The following SPATA31E1 variants were observed in gnomAD, a reference collection of about 807,000 sequenced individuals.
SPATA31E1 encodes spermatogenesis-associated protein 31E1.
SPATA31E1 carries 7 observed loss-of-function variants against 12.9 expected under a neutral mutation model. That is an observed-to-expected ratio of 0.54 (90% CI 0.31 to 1.02). The LOEUF (loss-of-function observed/expected upper bound fraction) is 1.02, where lower values mean the gene tolerates loss of function less well. Among genes scored for constraint, SPATA31E1 ranks in the 50% least tolerant of loss-of-function variants. SPATA31E1 has a pLI of 0.05. For missense variants in SPATA31E1, 1,961 were observed against 1,799.8 expected (o/e 1.09, Z -1.62); for synonymous variants, 771 against 719.0 (o/e 1.07, Z -1.16).
At chr9:87,884,779 G>A (rs1189864656) in intron 3 of SPATA31E1, 128 bp downstream of exon 3, 39 of 1,467,940 alleles carry the variant, frequency 2.7e-5, no homozygotes, top group Non-Finnish European at 3.5e-5. Context: ...GAAGCCCTGG[G>A]GCAGGCTTAG....
At position 87,884,020 on chromosome 9, in the gene SPATA31E1, G is replaced by A; in HGVS notation, c.338G>A (p.Arg113Lys). The A allele has an allele frequency of 6.2e-7, 1 of 1,607,230 alleles. No individual in the cohort carries two copies. The highest frequency in any genetic ancestry group is 8.5e-7 in the Non-Finnish European group (1 of 1,176,402). ...EPQRERSGRS[R>K]SRKISALKAC... ...CAAAGGGAGAGAAGCGGGAGGTCCAGGAGCAGGAAGATCTCAGCTCTGAAA... is the reference window on the plus strand; with the variant it reads ...CAAAGGGAGAGAAGCGGGAGGTCCAAGAGCAGGAAGATCTCAGCTCTGAAA... Residue 113 changes from arginine to lysine, a missense_variant, in exon 2 of 4, where the codon AGG becomes AAG. Physicochemically the swap from Arg to Lys is conservative, Grantham distance 26. Coordinates refer to ENST00000325643, the MANE Select transcript of SPATA31E1 (RefSeq NM_178828.5).
rs1434961681 is a variant in SPATA31E1 at position 87,885,833 on chromosome 9, A to G, written c.1346A>G (p.Glu449Gly). ...LFWDLPSLNSESLATTVWVSR... is the reference protein window; with the variant it reads ...LFWDLPSLNSGSLATTVWVSR... ...TGGGACCTCCCCTCTCTCAATAGCG[A>G]GTCCCTGGCGACCACAGTCTGGGTT... Residue 449 changes from glutamate to glycine, a missense_variant, in exon 4 of 4, where the codon GAG (glutamate) becomes GGG (glycine). By Grantham distance (98) the Glu-to-Gly change is moderately conservative. Coordinates refer to ENST00000325643, the MANE Select transcript of SPATA31E1 (RefSeq NM_178828.5). The G allele has an allele frequency of 6.2e-7, 1 of 1,613,906 alleles. No individual in the cohort carries two copies. Among genetic ancestry groups the G allele is most frequent in the Admixed American group, 1.7e-5 (1 of 60,032 alleles).
Position 87,886,580 on chromosome 9 carries a change from G to A in SPATA31E1, c.2093G>A (p.Ser698Asn), listed in dbSNP as rs535781757. 8 of 1,614,088 alleles carry A rather than the reference G, an allele frequency of 5.0e-6. No homozygotes were observed. In the South Asian group the frequency reaches 5.5e-5, roughly 11 times the overall value. The change falls in exon 4 of 4, where the codon AGC becomes AAC. Residue 698 changes from serine to asparagine, a missense_variant. Ser to Asn is a conservative substitution (Grantham distance 46, BLOSUM62 1). Transcript: ENST00000325643. ...GATGTGCAGAAGACCGGGTTCAGGA[G>A]CTCCGGAAGGTTCTCTGACAAGGGG... is the stretch of plus-strand genomic sequence containing the variant. Reference protein sequence around the residue: ...RKDVQKTGFRSSGRFSDKGCL... With the variant: ...RKDVQKTGFRNSGRFSDKGCL...
At position 87,886,075 on chromosome 9, in the gene SPATA31E1, C is replaced by A; in HGVS notation, c.1588C>A (p.Pro530Thr). 6.2e-7 allele frequency: 1 copy of A among 1,611,150 alleles called. No individual in the cohort carries two copies. The highest frequency in any genetic ancestry group is 8.5e-7 in the Non-Finnish European group (1 of 1,178,292). Residue 530 changes from proline to threonine, a missense_variant, in exon 4 of 4, where the codon CCT (proline) becomes ACT (threonine). By Grantham distance (38) the Pro-to-Thr change is conservative. Transcript: ENST00000325643. ...EIQTQAHLSPPVPSLGCSSPP... is the reference protein window; with the variant it reads ...EIQTQAHLSPTVPSLGCSSPP... ...CCAGACCCAGGCCCACCTCTCACCCCCTGTCCCAAGCCTGGGGTGCTCTTC... is the reference window on the plus strand; with the variant it reads ...CCAGACCCAGGCCCACCTCTCACCCACTGTCCCAAGCCTGGGGTGCTCTTC...
In SPATA31E1 at chr9:87,888,694, G is replaced by A. The variant is rs778430286; in HGVS notation, c.4207G>A (p.Ala1403Thr). 2 of 1,613,944 alleles carry A rather than the reference G, an allele frequency of 1.2e-6. No homozygotes were observed. Among genetic ancestry groups the A allele is most frequent in the Admixed American group, 3.3e-5 (2 of 60,026 alleles). Residue 1403 changes from alanine (A) to threonine (T), a missense_variant, in exon 4 of 4, where the codon GCC (alanine) becomes ACC (threonine). By Grantham distance (58) the Ala-to-Thr change is moderately conservative (BLOSUM62 0). Coordinates refer to ENST00000325643, the MANE Select transcript of SPATA31E1 (RefSeq NM_178828.5). ...RGIRDRDSSW[A>T]PPPREPVSPA... is the part of the protein sequence containing the mutation. Reference sequence around the variant, plus strand: ...CATCAGAGACAGAGACAGCAGTTGGGCCCCACCTCCCAGGGAGCCTGTGTC... The same window carrying A: ...CATCAGAGACAGAGACAGCAGTTGGACCCCACCTCCCAGGGAGCCTGTGTC...
chr9:87,886,756 G>A lies in SPATA31E1; in HGVS notation c.2269G>A (p.Asp757Asn). The change falls in exon 4 of 4, where the codon GAC becomes AAC. Residue 757 changes from aspartate to asparagine, a missense_variant. Asp to Asn is a conservative substitution (Grantham distance 23). Transcript: ENST00000325643. ...QSVSSTPRDPDKEHLENKLQI... is the reference protein window; with the variant it reads ...QSVSSTPRDPNKEHLENKLQI... The stretch of plus-strand genomic sequence containing the variant: ...AGTAAGTTCCACACCCAGGGACCCA[G>A]ACAAGGAGCATCTGGAAAACAAGCT... 6.2e-7 allele frequency: 1 copy of A among 1,614,058 alleles called. No homozygotes were observed. Among genetic ancestry groups the A allele is most frequent in the Non-Finnish European group, 8.5e-7 (1 of 1,180,046 alleles).
chr9:87,885,361 G>T lies in SPATA31E1; in HGVS notation c.874G>T (p.Val292Leu), dbSNP rs543433002. ...HNQVLPPPTR[V>L]ISGLGCSSDP... ...CCAGGTGCTGCCTCCTCCAACCAGG[G>T]TGATCTCTGGCCTGGGGTGCTCCAG... Residue 292 changes from valine (V) to leucine (L), a missense_variant, in exon 4 of 4, where the codon GTG (valine) becomes TTG (leucine). Physicochemically the swap from Val to Leu is conservative, Grantham distance 32. Coordinates refer to ENST00000325643, the MANE Select transcript of SPATA31E1 (RefSeq NM_178828.5). 74 of 1,613,986 alleles carry T rather than the reference G, an allele frequency of 4.6e-5. 1 individual carries two copies. The South Asian group carries it at 7.8e-4, about 17-fold the overall frequency.
Position 87,886,309 on chromosome 9 carries a change from A to G in SPATA31E1, c.1822A>G (p.Ser608Gly). ...HLPQERPASW[S>G]PKSAPILPGV... ...TCCCCAAGAGAGGCCGGCCTCCTGG[A>G]GCCCCAAGTCAGCCCCCATCCTTCC... Residue 608 changes from serine to glycine, a missense_variant, in exon 4 of 4, where the codon AGC becomes GGC. Ser to Gly is a moderately conservative substitution (Grantham distance 56). Transcript: ENST00000325643. The G allele has an allele frequency of 3.1e-6, 5 of 1,613,590 alleles. No homozygotes were observed. The highest frequency in any genetic ancestry group is 4.2e-6 in the Non-Finnish European group (5 of 1,179,984).
rs1021896700 is a variant in SPATA31E1 at position 87,887,390 on chromosome 9, G to A, written c.2903G>A (p.Gly968Asp). The change falls in exon 4 of 4, where the codon GGC becomes GAC. Residue 968 changes from glycine to aspartate, a missense_variant. By Grantham distance (94) the Gly-to-Asp change is moderately conservative. Transcript: ENST00000325643. ...CAGCCCCCAACATGCAGCCTTGTGGGCAGAACCTGGCAGAGCAGGACTGTC... is the reference window on the plus strand; with the variant it reads ...CAGCCCCCAACATGCAGCCTTGTGGACAGAACCTGGCAGAGCAGGACTGTC... ...CSQPPTCSLV[G>D]RTWQSRTVLE... is the part of the protein sequence containing the mutation. The A allele has an allele frequency of 2.5e-6, 4 of 1,613,702 alleles. No homozygotes were observed. In the African/African-American group the frequency reaches 5.3e-5, roughly 22 times the overall value.
chr9:87,888,427 G>C lies in SPATA31E1; in HGVS notation c.3940G>C (p.Asp1314His). ...AAGGCAGTTTATGGACTGCATGGCT[G>C]ACAAAGCCTGGACCATCAGCAGAGT... is the stretch of plus-strand genomic sequence containing the variant. ...PPRQFMDCMA[D>H]KAWTISRVVG... is the part of the protein sequence containing the mutation. The change falls in exon 4 of 4, where the codon GAC (aspartate) becomes CAC (histidine). Residue 1314 changes from aspartate to histidine, a missense_variant. Asp to His is a moderately conservative substitution (Grantham distance 81). Coordinates refer to ENST00000325643, the MANE Select transcript of SPATA31E1 (RefSeq NM_178828.5). 2 of 1,614,206 alleles carry C rather than the reference G, an allele frequency of 1.2e-6. No homozygotes were observed. Among genetic ancestry groups the C allele is most frequent in the Non-Finnish European group, 1.7e-6 (2 of 1,180,046 alleles).
At position 87,886,138 on chromosome 9, in the gene SPATA31E1, A is replaced by G. The variant is rs750491614; in HGVS notation, c.1651A>G (p.Thr551Ala). 2 of 1,602,340 alleles carry G rather than the reference A, an allele frequency of 1.2e-6. No homozygotes were observed. Among genetic ancestry groups the G allele is most frequent in the Non-Finnish European group, 1.7e-6 (2 of 1,173,056 alleles). Residue 551 changes from threonine (T) to alanine (A), a missense_variant, in exon 4 of 4, where the codon ACA (threonine) becomes GCA (alanine). Physicochemically the swap from Thr to Ala is moderately conservative, Grantham distance 58. Coordinates refer to ENST00000325643, the MANE Select transcript of SPATA31E1 (RefSeq NM_178828.5). ...QIRGCGASYPTSQERTQSVIP... is the reference protein window; with the variant it reads ...QIRGCGASYPASQERTQSVIP... ...TAGGGGCTGTGGGGCATCTTACCCTACATCCCAGGAGAGGACACAGTCTGT... is the reference window on the plus strand; with the variant it reads ...TAGGGGCTGTGGGGCATCTTACCCTGCATCCCAGGAGAGGACACAGTCTGT...
rs865797588 is a variant in SPATA31E1, at chr9:87,886,329, C to A, written c.1842C>A (p.Ile614=). 5 of 1,613,572 alleles carry A rather than the reference C, an allele frequency of 3.1e-6. No individual in the cohort carries two copies. In the African/African-American group the frequency reaches 6.7e-5, roughly 22 times the overall value. Residue 614 remains isoleucine (I), a synonymous_variant, in exon 4 of 4, where the codon ATC becomes ATA. Transcript: ENST00000325643. ...PASWSPKSAP[I]LPGVVTSPEL... Reference sequence around the variant, plus strand: ...CCTGGAGCCCCAAGTCAGCCCCCATCCTTCCCGGGGTTGTCACCAGCCCTG... The same window carrying A: ...CCTGGAGCCCCAAGTCAGCCCCCATACTTCCCGGGGTTGTCACCAGCCCTG...
At position 87,886,751 on chromosome 9, in the gene SPATA31E1, AC is replaced by A; in HGVS notation, c.2267del (p.Pro756GlnfsTer18). 6 of 1,613,988 alleles carry A rather than the reference AC, an allele frequency of 3.7e-6. No homozygotes were observed. Among genetic ancestry groups the A allele is most frequent in the Non-Finnish European group, 5.1e-6 (6 of 1,180,026 alleles). ...KYQSVSSTPR[D>X]PDKEHLENKL... ...CAATCAGTAAGTTCCACACCCAGGG[AC>A]CCAGACAAGGAGCATCTGGAAAACA... On this transcript the variant is annotated frameshift_variant, in exon 4 of 4. Transcript: ENST00000325643. LOFTEE classifies it low-confidence loss of function (END_TRUNC).
chr9:87,884,614 C>A lies in SPATA31E1; in HGVS notation c.388C>A (p.Leu130Met). 1 of 1,614,162 alleles carries A rather than the reference C, an allele frequency of 6.2e-7. No individual in the cohort carries two copies. The highest frequency in any genetic ancestry group is 8.5e-7 in the Non-Finnish European group (1 of 1,180,010). ...LKACRILLRELEETRDLNYLL... is the reference protein window; with the variant it reads ...LKACRILLREMEETRDLNYLL... ...AGCTTGCAGAATCCTCCTGAGGGAG[C>A]TGGAGGAGACTCGGGACCTGAACTA... Residue 130 changes from leucine to methionine, a missense_variant, in exon 3 of 4, where the codon CTG becomes ATG. Transcript: ENST00000325643.
intron 3 of SPATA31E1, 90 bp from the exon 4 acceptor site, chr9:87,884,823 G>A: frequency 6.8e-7 from 1 of 1,473,976 alleles, no homozygotes; most frequent in Admixed American, 2.1e-5. Context: ...TTGGGGAGGT[G>A]GAGGAACCGG....
In SPATA31E1 at chr9:87,887,885, G is replaced by C. The variant is rs531419008; in HGVS notation, c.3398G>C (p.Arg1133Pro). ...GCCACAGGCCTGTGCCTTCCAGGCC[G>C]CCACATGGACATGCTCACTGCCGCA... ...DGATGLCLPG[R>P]HMDMLTAADR... Residue 1133 changes from arginine (R) to proline (P), a missense_variant, in exon 4 of 4, where the codon CGC becomes CCC. Arg to Pro is a moderately radical substitution (Grantham distance 103). Coordinates refer to ENST00000325643, the MANE Select transcript of SPATA31E1 (RefSeq NM_178828.5). The C allele has an allele frequency of 1.2e-6, 2 of 1,613,706 alleles. No individual in the cohort carries two copies. The highest frequency in any genetic ancestry group is 1.7e-6 in the Non-Finnish European group (2 of 1,180,040).
intron 1 of SPATA31E1, among the ~76,000 whole-genome samples, chr9:87,883,410 A>G (rs1241573456): frequency 2.6e-5 from 4 of 151,962 alleles, no homozygotes; most frequent in Non-Finnish European, 5.9e-5. Flanking sequence ...CAGGGCAAAA[A>G]CCAACACTGG....
Position 87,884,925 on chromosome 9 carries a change from G to C in SPATA31E1, c.438G>C (p.Lys146Asn). The stretch of plus-strand genomic sequence containing the variant: ...TTGTCTCCTGCAGCCACCTGAGGAA[G>C]CTCGCTGGCGAAGGCAGCTCCCACC... Reference protein sequence around the residue: ...LNYLLESHLRKLAGEGSSHLP... With the variant: ...LNYLLESHLRNLAGEGSSHLP... Residue 146 changes from lysine to asparagine, a missense_variant, in exon 4 of 4, where the codon AAG (lysine) becomes AAC (asparagine). By Grantham distance (94) the Lys-to-Asn change is moderately conservative (BLOSUM62 0). Coordinates refer to ENST00000325643, the MANE Select transcript of SPATA31E1 (RefSeq NM_178828.5). 2.5e-6 allele frequency: 4 copies of C among 1,606,808 alleles called. No homozygotes were observed. The highest frequency in any genetic ancestry group is 3.4e-6 in the Non-Finnish European group (4 of 1,175,024).
rs145889316 is a variant in SPATA31E1 at position 87,884,932 on chromosome 9, G to A, written c.445G>A (p.Gly149Ser). Residue 149 changes from glycine to serine, a missense_variant, in exon 4 of 4, where the codon GGC (glycine) becomes AGC (serine). Transcript: ENST00000325643. Reference protein sequence around the residue: ...LLESHLRKLAGEGSSHLPLGG... With the variant: ...LLESHLRKLASEGSSHLPLGG... ...CTGCAGCCACCTGAGGAAGCTCGCT[G>A]GCGAAGGCAGCTCCCACCTGCCCTT... 2.5e-6 allele frequency: 4 copies of A among 1,609,522 alleles called. No homozygotes were observed. The African/African-American group carries it at 5.3e-5, about 22-fold the overall frequency.
Sources: gnomAD v4.1 joint callset for allele counts (sites outside exome capture counted in the v4.1 genomes callset) on GRCh38, gnomAD v4.1.1 for gene constraint, MANE v1.5 for transcripts, NCBI Gene and HGNC (gene_info 2026-07-23, HGNC 2026-07-21) for gene names.